ESR1: variants seen among roughly 807,000 people sequenced by gnomAD.
ESR1 encodes estrogen receptor 1.
In ESR1, 12 loss-of-function variants were observed where a neutral mutation model predicts 52.7. That is an observed-to-expected ratio of 0.23 (90% CI 0.15 to 0.37). The LOEUF (loss-of-function observed/expected upper bound fraction) is 0.37, where lower values mean the gene tolerates loss of function less well. Ranked by LOEUF, ESR1 falls within the 10% of genes least tolerant of loss-of-function variation. The pLI, the probability that ESR1 is intolerant of heterozygous loss-of-function variation, is 1.00. For missense variants in ESR1, 584 were observed against 779.7 expected (o/e 0.75, Z 2.99); for synonymous variants, 305 against 316.8 (o/e 0.96, Z 0.39).
At chr6:151,723,746 G>A (rs893555511) in intron 2 of ESR1, among the ~76,000 whole-genome samples, 4 of 151,932 alleles carry the variant, frequency 2.6e-5, no homozygotes, top group Non-Finnish European at 5.9e-5. Flanking sequence ...GAGCATTCCT[G>A]TAATCCTTAG....
intron 1 of ESR1, among the ~76,000 whole-genome samples, chr6:151,682,413 CG>C (rs998818804): frequency 1.3e-5 from 2 of 152,090 alleles, no homozygotes; most frequent in Non-Finnish European, 2.9e-5. Flanking sequence ...TCTGAGCTGC[CG>C]GGAGCTGGTT....
intron 2 of ESR1, among the ~76,000 whole-genome samples, chr6:151,732,031 A>G (rs1316264892): frequency 6.6e-6 from 1 of 152,140 alleles, no homozygotes; most frequent in African/African-American, 2.4e-5. Context: ...ACCTTAGATC[A>G]CCCTTATTAA....
chr6:152,045,386 G>C (rs1426863716), intron 5 of ESR1, among the ~76,000 whole-genome samples: 1 of 152,158 alleles, frequency 6.6e-6, no homozygotes, highest in African/African-American at 2.4e-5. Flanking sequence ...AATCAACCAG[G>C]GCATGGTACT....
intron 1 of ESR1, among the ~76,000 whole-genome samples, chr6:151,675,625 C>CA (rs1272762077): frequency 5.3e-5 from 8 of 152,152 alleles, no homozygotes; most frequent in African/African-American, 7.2e-5. Flanking sequence ...TGATTAGAAA[C>CA]AAAAAAGCCA....
chr6:152,008,143 C>A (rs900009559), intron 4 of ESR1, among the ~76,000 whole-genome samples: 2 of 151,972 alleles, frequency 1.3e-5, no homozygotes, highest in African/African-American at 4.8e-5. Flanking sequence ...AAGTCGAGAC[C>A]AGTATATTGG....
intron 1 of ESR1, among the ~76,000 whole-genome samples, chr6:151,839,371 A>T (rs545491261): frequency 6.6e-6 from 1 of 152,318 alleles, no homozygotes; most frequent in African/African-American, 2.4e-5. Context: ...TAGAGCAAAT[A>T]GAAACCTTGT....
chr6:151,915,143 C>A (rs572139047), intron 3 of ESR1, among the ~76,000 whole-genome samples: 1 of 151,124 alleles, frequency 6.6e-6, no homozygotes, highest in African/African-American at 2.4e-5. Context: ...TGCAGTGAGC[C>A]GAGATCATGC....
rs1182683305 is a variant in ESR1 at position 152,101,051 on chromosome 6, T to G, written c.*2085T>G. 5 of 220,842 alleles carry G rather than the reference T, an allele frequency of 2.3e-5. No homozygotes were observed. The Admixed American group carries it at 2.4e-4, about 10-fold the overall frequency. The allele number at this position is 220,842 out of a possible 1,614,324, so 13.7% of individuals were successfully genotyped here. ...AATATTTAGTTTTTTTTTTTTTTTTTGTATACTTTTCAAGCTACCTTGTCA... is the reference window on the plus strand; with the variant it reads ...AATATTTAGTTTTTTTTTTTTTTTTGGTATACTTTTCAAGCTACCTTGTCA... On this transcript the variant is annotated 3_prime_UTR_variant, in exon 8 of 8. Coordinates refer to ENST00000206249, the MANE Select transcript of ESR1 (RefSeq NM_000125.4).
At chr6:152,128,916 A>G (rs1216694085) in exon 7 of ESR1, 1 of 152,196 alleles carries the variant, frequency 6.6e-6, no homozygotes, top group Non-Finnish European at 1.5e-5. Context: ...AGAATGTTCA[A>G]CCACAACCTG....
At chr6:151,778,334 A>C (rs1257949473) in intron 2 of ESR1, among the ~76,000 whole-genome samples, 1 of 152,100 alleles carries the variant, frequency 6.6e-6, no homozygotes. Flanking sequence ...GCTGCACAAC[A>C]CTGGGAATGT....
At position 152,100,433 on chromosome 6, in the gene ESR1, G is replaced by A. The variant is rs9341072; in HGVS notation, c.*1467G>A. Reference sequence around the variant, plus strand: ...TTCCTCCCCCGCCCCGTTCCCTACCGCCTCCACTCCTGCCAGCTCATTTCC... The same window carrying A: ...TTCCTCCCCCGCCCCGTTCCCTACCACCTCCACTCCTGCCAGCTCATTTCC... On this transcript the variant is annotated 3_prime_UTR_variant, in exon 8 of 8. Coordinates refer to ENST00000206249, the MANE Select transcript of ESR1 (RefSeq NM_000125.4). The A allele has an allele frequency of 7.2e-3, 1,818 of 252,994 alleles. 31 individuals are homozygous for A. Among genetic ancestry groups the A allele is most frequent in the African/African-American group, 0.037 (1,701 of 45,514 alleles). The allele number at this position is 252,994 out of a possible 1,614,324, so 15.7% of individuals were successfully genotyped here.
At chr6:151,802,923 C>T (rs544790113), upstream of ESR1, among the ~76,000 whole-genome samples, 4 of 145,168 alleles carry the variant, frequency 2.8e-5, no homozygotes, top group East Asian at 8.2e-4. Flanking sequence ...ACCCAGGAGG[C>T]AGAGGTTGCA....
intron 2 of ESR1, among the ~76,000 whole-genome samples, chr6:151,862,846 A>G (rs1408329710): frequency 2.6e-5 from 4 of 152,086 alleles, no homozygotes; most frequent in Admixed American, 6.6e-5. Flanking sequence ...GGAAATAACC[A>G]CAGGATGGGA....
intron 3 of ESR1, among the ~76,000 whole-genome samples, chr6:151,909,396 C>G (rs1423675210): frequency 6.6e-6 from 1 of 152,160 alleles, no homozygotes; most frequent in Admixed American, 6.5e-5. Context: ...GACTCTAGAG[C>G]ACCTTAGGCC....
intron 2 of ESR1, among the ~76,000 whole-genome samples, chr6:151,710,982 G>T (rs763798829): frequency 5.5e-4 from 83 of 152,130 alleles, no homozygotes; most frequent in Non-Finnish European, 8.4e-4. Flanking sequence ...CCAAGTCTTT[G>T]CTATTGTGAA....
chr6:151,706,203 C>T (rs940847171), intron 2 of ESR1, among the ~76,000 whole-genome samples: 4 of 152,156 alleles, frequency 2.6e-5, no homozygotes, highest in East Asian at 3.8e-4. Context: ...ATTGCTTTGG[C>T]GCCTATTTCA....
chr6:151,930,666 T>C (rs1235920672), intron 3 of ESR1, among the ~76,000 whole-genome samples: 4 of 152,240 alleles, frequency 2.6e-5, no homozygotes, highest in Admixed American at 6.5e-5. Flanking sequence ...TTCTGACTTA[T>C]ATCACCTTCC....
At chr6:151,940,578 C>T (rs1452384833) in intron 3 of ESR1, among the ~76,000 whole-genome samples, 1 of 152,116 alleles carries the variant, frequency 6.6e-6, no homozygotes, top group Non-Finnish European at 1.5e-5. Context: ...ACAACTAAGC[C>T]ATCTAAGTAG....
chr6:151,963,503 C>A (rs1219710357), intron 4 of ESR1, among the ~76,000 whole-genome samples: 1 of 152,124 alleles, frequency 6.6e-6, no homozygotes, highest in African/African-American at 2.4e-5. Flanking sequence ...ATATTCGTGT[C>A]CTTTGGCCAT....
Sources: gnomAD v4.1 joint callset for allele counts (sites outside exome capture counted in the v4.1 genomes callset) on GRCh38, gnomAD v4.1.1 for gene constraint, MANE v1.5 for transcripts, NCBI Gene and HGNC (gene_info 2026-07-23, HGNC 2026-07-21) for gene names.